Variants in REDIC1 observed in about 807,000 individuals in gnomAD.
REDIC1 encodes regulator of DNA class I crossover intermediates 1, also known as HEI10 Interacting Protein 1.
chr12:39,712,857 GTA>G, the REDIC1 span, among the ~76,000 whole-genome samples: 3 of 13,594 alleles, frequency 2.2e-4, no homozygotes, highest in South Asian at 7.2e-3. Context: ...ATACACATAT[GTA>G]TATACACGTA....
the REDIC1 span, among the ~76,000 whole-genome samples, chr12:39,767,570 T>A: frequency 6.6e-6 from 1 of 152,080 alleles, no homozygotes; most frequent in Non-Finnish European, 1.5e-5. Flanking sequence ...TCTCTAGCTA[T>A]GAGAGTCCTG....
chr12:39,783,732 T>C, the REDIC1 span, among the ~76,000 whole-genome samples: 3 of 152,294 alleles, frequency 2.0e-5, no homozygotes, highest in South Asian at 6.2e-4. Context: ...TTCTTGTAAA[T>C]TTGTTTGAGT....
the REDIC1 span, among the ~76,000 whole-genome samples, chr12:39,720,524 C>T: frequency 2.6e-5 from 4 of 151,960 alleles, no homozygotes; most frequent in African/African-American, 4.8e-5. Context: ...TTCTCGTCTC[C>T]TTTTTACCTC....
At chr12:39,841,680 G>A in the REDIC1 span, among the ~76,000 whole-genome samples, 1 of 151,778 alleles carries the variant, frequency 6.6e-6, no homozygotes, top group Admixed American at 6.6e-5. Context: ...CATATAATTT[G>A]TATATAATCA....
the REDIC1 span, among the ~76,000 whole-genome samples, chr12:39,712,425 TA>T: frequency 8.5e-6 from 1 of 118,012 alleles, no homozygotes; most frequent in Non-Finnish European, 1.8e-5. Context: ...TATACATACG[TA>T]TATATACATA....
the REDIC1 span, among the ~76,000 whole-genome samples, chr12:39,859,317 T>G: frequency 1.4e-4 from 2 of 14,780 alleles, no homozygotes; most frequent in Admixed American, 2.5e-3. Context: ...AAGCTGGCAG[T>G]TTTTTTTTTT....
chr12:39,832,607 T>C, the REDIC1 span, among the ~76,000 whole-genome samples: 1 of 152,082 alleles, frequency 6.6e-6, no homozygotes, highest in Admixed American at 6.6e-5. Flanking sequence ...TGCCACACAC[T>C]ATGCTAGGTG....
At chr12:39,642,160 A>T in the REDIC1 span, among the ~76,000 whole-genome samples, 5 of 151,790 alleles carry the variant, frequency 3.3e-5, no homozygotes, top group Non-Finnish European at 7.4e-5. Context: ...CTTGACAAAA[A>T]AATTGAGCTT....
the REDIC1 span, among the ~76,000 whole-genome samples, chr12:39,808,584 C>T: frequency 6.6e-6 from 1 of 152,134 alleles, no homozygotes; most frequent in African/African-American, 2.4e-5. Context: ...CACAACCTCA[C>T]CAACACTTGA....
the REDIC1 span, among the ~76,000 whole-genome samples, chr12:39,895,819 C>CAT: frequency 1.4e-4 from 6 of 42,518 alleles, 1 homozygote; most frequent in African/African-American, 5.2e-4. Flanking sequence ...TACGTACACA[C>CAT]ATGTATATGC....
chr12:39,858,852 C>T, the REDIC1 span, among the ~76,000 whole-genome samples: 228 of 152,256 alleles, frequency 1.5e-3, 2 homozygotes, highest in Non-Finnish European at 2.8e-3. Flanking sequence ...ATGATCCACC[C>T]GCTTTGGCCT....
the REDIC1 span, among the ~76,000 whole-genome samples, chr12:39,812,996 A>ATTTTTTTTTTTTTTTTTTTTTTTT: frequency 4.9e-5 from 2 of 40,616 alleles, 1 homozygote; most frequent in Admixed American, 1.1e-3. Flanking sequence ...TGCCCAGCTA[A>ATTTTTTTTTTTTTTTTTTTTTTTT]TTTTTTTTTT....
At chr12:39,887,447 A>G in the REDIC1 span, among the ~76,000 whole-genome samples, 1 of 152,170 alleles carries the variant, frequency 6.6e-6, no homozygotes, top group African/African-American at 2.4e-5. Flanking sequence ...AAATACACCC[A>G]GAGCAGGCTT....
At chr12:39,908,247 G>A in the REDIC1 span, 6 of 151,992 alleles carry the variant, frequency 3.9e-5, no homozygotes, top group South Asian at 1.2e-3. Flanking sequence ...TTATCTTCCT[G>A]TTAATTATTC....
chr12:39,724,766 A>G, the REDIC1 span, among the ~76,000 whole-genome samples: 61 of 152,166 alleles, frequency 4.0e-4, no homozygotes, highest in Non-Finnish European at 7.5e-4. Context: ...ATACAGGTGA[A>G]GAGAGAATTT....
chr12:39,650,138 T>C, the REDIC1 span: 2 of 1,207,590 alleles, frequency 1.7e-6, no homozygotes, highest in African/African-American at 1.6e-5. The surrounding 1 kb of genome is among the most constrained non-coding windows in gnomAD (Gnocchi z 4.3). Flanking sequence ...AATTTTAAAA[T>C]ATAAATGTAG....
the REDIC1 span, among the ~76,000 whole-genome samples, chr12:39,854,621 T>A: frequency 3.3e-5 from 5 of 152,138 alleles, no homozygotes; most frequent in Non-Finnish European, 7.3e-5. Flanking sequence ...CCAATCTATA[T>A]CCCAAAACTC....
the REDIC1 span, among the ~76,000 whole-genome samples, chr12:39,800,372 C>T: frequency 6.6e-6 from 1 of 151,854 alleles, no homozygotes; most frequent in African/African-American, 2.4e-5. Flanking sequence ...TATCCAGAAT[C>T]TACAATGAAC....
the REDIC1 span, among the ~76,000 whole-genome samples, chr12:39,880,449 A>G: frequency 1.3e-5 from 2 of 152,214 alleles, no homozygotes; most frequent in African/African-American, 4.8e-5. Flanking sequence ...GCCAAAATTA[A>G]AAGTTAGAAA....
Sources: allele counts gnomAD v4.1 joint callset (sites outside exome capture counted in the v4.1 genomes callset), GRCh38; gene constraint gnomAD v4.1.1; non-coding constraint Gnocchi (gnomAD v3.1); transcripts MANE v1.5; gene names NCBI Gene and HGNC (gene_info 2026-07-23, HGNC 2026-07-21).